The following DNAJC5 variants were observed in gnomAD, a reference collection of about 807,000 sequenced individuals.
DNAJC5 encodes DnaJ heat shock protein family (Hsp40) member C5.
A neutral mutation model predicts 23.2 loss-of-function variants in DNAJC5; 1 was observed. The observed-to-expected ratio is 0.04, with a 90% CI of 0.02 to 0.20. DNAJC5 has a LOEUF of 0.20. DNAJC5 is among the 10% of genes least tolerant of loss of function. The probability of loss-of-function intolerance (pLI) is 1.00; values close to 1 mark genes in which losing one functional copy is unlikely to be tolerated. For missense variants in DNAJC5, 180 were observed against 267.0 expected (o/e 0.67, Z 2.27); for synonymous variants, 136 against 120.0 (o/e 1.13, Z -0.87).
In DNAJC5 at chr20:63,931,126, G is replaced by A; in HGVS notation, c.493+104G>A. The A allele has an allele frequency of 7.9e-7, 1 of 1,269,578 alleles. No homozygotes were observed. The highest frequency in any genetic ancestry group is 1.1e-6 in the Non-Finnish European group (1 of 893,818). The allele number at this position is 1,269,578 out of a possible 1,614,324, so 78.6% of individuals were successfully genotyped here. On this transcript the variant is annotated intron_variant, in intron 4 of 4. Transcript: ENST00000360864. The surrounding 1 kb of genome is among the most constrained non-coding windows in gnomAD (Gnocchi z 9.6). The stretch of plus-strand genomic sequence containing the variant: ...TCAAACAGGAGGGCACTGACACTGT[G>A]CCGCGAGTGTTTGTGGTGGCAGCTG...
chr20:63,897,888 G>A (rs781766676), intron 1 of DNAJC5, among the ~76,000 whole-genome samples: 5 of 152,166 alleles, frequency 3.3e-5, no homozygotes, highest in South Asian at 2.1e-4. Context: ...AACTCAGAGT[G>A]AGTGGGCTTC....
intron 1 of DNAJC5, among the ~76,000 whole-genome samples, chr20:63,906,436 G>T (rs2146276182): frequency 6.6e-6 from 1 of 152,266 alleles, no homozygotes; most frequent in South Asian, 2.1e-4. Flanking sequence ...GTTGCAGTGA[G>T]CCGACATTGC....
At chr20:63,905,921 G>A (rs2053445840) in intron 1 of DNAJC5, among the ~76,000 whole-genome samples, 1 of 151,652 alleles carries the variant, frequency 6.6e-6, no homozygotes, top group South Asian at 2.1e-4. Flanking sequence ...TTTTAGTAGA[G>A]ACGGGGTTTC....
At chr20:63,903,532 C>A (rs1192442848) in intron 1 of DNAJC5, among the ~76,000 whole-genome samples, 3 of 152,160 alleles carry the variant, frequency 2.0e-5, no homozygotes, top group Non-Finnish European at 4.4e-5. Flanking sequence ...TGATCTCGAT[C>A]TCTTGACCTC....
At chr20:63,910,486 T>C (rs936968051) in intron 1 of DNAJC5, among the ~76,000 whole-genome samples, 1 of 149,862 alleles carries the variant, frequency 6.7e-6, no homozygotes, top group South Asian at 2.1e-4. Flanking sequence ...GAGCTTGCAG[T>C]GAGTGGAGAT....
In DNAJC5 at chr20:63,928,567, G is replaced by T; in HGVS notation, c.107+115G>T. ...CATACTTTATCCTGGCCGACTCAGC[G>T]TTGAACTGGTCACAGCTCGGTAACA... On this transcript the variant is annotated intron_variant, in intron 2 of 4. Coordinates refer to ENST00000360864, the MANE Select transcript of DNAJC5 (RefSeq NM_025219.3). This position sits in a 1 kb window ranked among gnomAD's most constrained non-coding sequence, Gnocchi z 4.6. The T allele has an allele frequency of 2.4e-6, 2 of 843,268 alleles. No individual in the cohort carries two copies. Among genetic ancestry groups the T allele is most frequent in the East Asian group, 5.2e-5 (2 of 38,812 alleles). The allele number at this position is 843,268 out of a possible 1,614,324, so 52.2% of individuals were successfully genotyped here.
At chr20:63,905,377 A>G (rs2053441481) in intron 1 of DNAJC5, among the ~76,000 whole-genome samples, 1 of 151,762 alleles carries the variant, frequency 6.6e-6, no homozygotes, top group South Asian at 2.1e-4. Context: ...CAGCCTTCCA[A>G]AGTACTGGGA....
In DNAJC5 at chr20:63,929,259, G is replaced by T. The variant is rs900453145; in HGVS notation, c.108-53G>T. On this transcript the variant is annotated intron_variant, in intron 2 of 4. Transcript: ENST00000360864. The surrounding 1 kb of genome is among the most constrained non-coding windows in gnomAD (Gnocchi z 8.6). ...GCGGGTGGGATGGACGCGGCGGCGG[G>T]TGCGGGTGGAACAAAGTCCAGGGTA... 9.5e-6 allele frequency: 15 copies of T among 1,573,706 alleles called. No homozygotes were observed. Among genetic ancestry groups the T allele is most frequent in the Non-Finnish European group, 1.3e-5 (15 of 1,159,236 alleles).
intron 1 of DNAJC5, among the ~76,000 whole-genome samples, chr20:63,899,321 A>G (rs1019287194): frequency 6.6e-6 from 1 of 152,172 alleles, no homozygotes; most frequent in African/African-American, 2.4e-5. Context: ...CTAGTCTGTT[A>G]TCAGTCACAG....
rs1469905492 is a variant in DNAJC5 at position 63,931,812 on chromosome 20, T to C, written c.*244T>C. ...CCCTTTTTTAATAGCATGTATGGGG[T>C]TCTGTTCCATGTCTGTGTTGTGGAC... On this transcript the variant is annotated 3_prime_UTR_variant, in exon 5 of 5. Coordinates refer to ENST00000360864, the MANE Select transcript of DNAJC5 (RefSeq NM_025219.3). This position sits in a 1 kb window ranked among gnomAD's most constrained non-coding sequence, Gnocchi z 9.6. 3.6e-6 allele frequency: 2 copies of C among 561,550 alleles called. No homozygotes were observed. The highest frequency in any genetic ancestry group is 3.2e-6 in the Non-Finnish European group (1 of 309,410). The allele number at this position is 561,550 out of a possible 1,614,324, so 34.8% of individuals were successfully genotyped here. A position where few individuals can be genotyped will look rare whatever the true frequency, so the allele number is the denominator to read the frequency against.
At position 63,912,499 on chromosome 20, in the gene DNAJC5, TAC is replaced by T. The variant is rs1262189027; in HGVS notation, c.-11-15835_-11-15834del. On this transcript the variant is annotated intron_variant, in intron 1 of 4. Coordinates refer to ENST00000360864, the MANE Select transcript of DNAJC5 (RefSeq NM_025219.3). ...ATACACATTCAAACTGTGGGGCTTT[TAC>T]CCTTTTAACTGTGTTCCAAGTCCCT... Among the ~76,000 whole-genome samples the T allele has an allele frequency of 5.7e-4, 87 of 152,320 alleles. 2 individuals carry two copies. Among genetic ancestry groups the T allele is most frequent in the Non-Finnish European group, 2.9e-5 (2 of 68,020 alleles).
At chr20:63,918,465 A>G (rs1338607427) in intron 1 of DNAJC5, among the ~76,000 whole-genome samples, 3 of 152,258 alleles carry the variant, frequency 2.0e-5, no homozygotes, top group Non-Finnish European at 4.4e-5. Context: ...ATTTTTTAGA[A>G]GCAAGAGAAT....
chr20:63,931,965 C>G lies in DNAJC5; in HGVS notation c.*397C>G, dbSNP rs755818517. On this transcript the variant is annotated 3_prime_UTR_variant, in exon 5 of 5. Transcript: ENST00000360864. This position sits in a 1 kb window ranked among gnomAD's most constrained non-coding sequence, Gnocchi z 9.6. Reference sequence around the variant, plus strand: ...AGAAGGGGGGCTGCCCCTTTCCTACCTGTGCTTGAGGGGCCGGAGGCAGGT... The same window carrying G: ...AGAAGGGGGGCTGCCCCTTTCCTACGTGTGCTTGAGGGGCCGGAGGCAGGT... 31 of 349,718 alleles carry G rather than the reference C, an allele frequency of 8.9e-5. No homozygotes were observed. The highest frequency in any genetic ancestry group is 1.1e-4 in the Non-Finnish European group (19 of 179,070). The allele number at this position is 349,718 out of a possible 1,614,324, so 21.7% of individuals were successfully genotyped here.
Position 63,933,329 on chromosome 20 carries a change from A to G in DNAJC5, c.*1761A>G, listed in dbSNP as rs1195263516. The G allele has an allele frequency of 1.3e-5, 2 of 152,326 alleles. No individual in the cohort carries two copies. Among genetic ancestry groups the G allele is most frequent in the Non-Finnish European group, 2.9e-5 (2 of 68,082 alleles). 9.4% of individuals were successfully genotyped at this position (152,326 alleles called of 1,614,324 possible). On this transcript the variant is annotated 3_prime_UTR_variant, in exon 5 of 5. Transcript: ENST00000360864. Reference sequence around the variant, plus strand: ...GACATGGATATGAGGATACATCTGGACGTGCTTAGGAACAGGGTGCTGGTT... The same window carrying G: ...GACATGGATATGAGGATACATCTGGGCGTGCTTAGGAACAGGGTGCTGGTT...
At chr20:63,910,587 C>T (rs1019212575) in intron 1 of DNAJC5, among the ~76,000 whole-genome samples, 3 of 151,668 alleles carry the variant, frequency 2.0e-5, no homozygotes, top group Non-Finnish European at 4.4e-5. Flanking sequence ...GGGCGAGGCC[C>T]GAGGTACCTG....
chr20:63,923,681 GA>G (rs2053589363), intron 1 of DNAJC5, among the ~76,000 whole-genome samples: 1 of 150,294 alleles, frequency 6.7e-6, no homozygotes, highest in South Asian at 2.1e-4. Context: ...GCTGAAATGT[GA>G]CCACTGCACT....
At chr20:63,926,852 T>C (rs1475590780) in intron 1 of DNAJC5, among the ~76,000 whole-genome samples, 2 of 152,246 alleles carry the variant, frequency 1.3e-5, no homozygotes, top group East Asian at 1.9e-4. Flanking sequence ...CCTGAAGTCA[T>C]GTTTCATCTG....
chr20:63,924,521 G>C (rs1254008351), intron 1 of DNAJC5, among the ~76,000 whole-genome samples: 6 of 152,068 alleles, frequency 3.9e-5, no homozygotes, highest in Non-Finnish European at 5.9e-5. Flanking sequence ...GTGTCACTAG[G>C]ACCACAGACA....
At chr20:63,930,408 C>T (rs1408953146) in intron 3 of DNAJC5, among the ~76,000 whole-genome samples, 2 of 152,022 alleles carry the variant, frequency 1.3e-5, no homozygotes, top group African/African-American at 4.8e-5. Flanking sequence ...AGTGCAGTGG[C>T]GCGATCTTGG....
Sources: allele counts gnomAD v4.1 joint callset (sites outside exome capture counted in the v4.1 genomes callset), GRCh38; gene constraint gnomAD v4.1.1; non-coding constraint Gnocchi (gnomAD v3.1); transcripts MANE v1.5; gene names NCBI Gene and HGNC (gene_info 2026-07-23, HGNC 2026-07-21).